FBXL7: variants seen among roughly 807,000 people sequenced by gnomAD.
FBXL7 encodes the protein F-box/LRR-repeat protein 7.
A neutral mutation model predicts 38.3 loss-of-function variants in FBXL7; 12 were observed. That is an observed-to-expected ratio of 0.31 (90% confidence interval 0.20 to 0.51). The LOEUF (loss-of-function observed/expected upper bound fraction) is 0.51. Ranked by LOEUF, FBXL7 falls within the 20% of genes least tolerant of loss-of-function variation. The pLI, the probability that FBXL7 is intolerant of heterozygous loss-of-function variation, is 0.98. For missense variants in FBXL7, 567 were observed against 676.4 expected (o/e 0.84, Z 1.79); for synonymous variants, 297 against 300.9 (o/e 0.99, Z 0.13).
At chr5:15,776,601 T>C (rs1168893447) in intron 2 of FBXL7, among the ~76,000 whole-genome samples, 1 of 152,102 alleles carries the variant, frequency 6.6e-6, no homozygotes, top group Non-Finnish European at 1.5e-5. Context: ...AAAAGGATAA[T>C]TGTGTCTGGG....
In FBXL7 at chr5:15,571,089, CT is replaced by C. The variant is rs1435050109; in HGVS notation, c.38-44891del. On this transcript the variant is annotated intron_variant, in intron 1 of 3. Coordinates refer to ENST00000504595, the MANE Select transcript of FBXL7 (RefSeq NM_012304.5). ...CCTGGGCAACAGAGCAAGATTCTGT[CT>C]TTAAAAAAAAAAAAAAAAAAGAAAA... Among the ~76,000 whole-genome samples, 26 of 102,096 alleles carry C rather than the reference CT, an allele frequency of 2.5e-4. 1 individual carries two copies. In the South Asian group the frequency reaches 7.0e-3, roughly 28 times the overall value. The allele number at this position is 102,096 out of a possible 152,430, so 67.0% of individuals were successfully genotyped here. A position where few individuals can be genotyped will look rare whatever the true frequency, so the allele number is the denominator to read the frequency against.
chr5:15,749,222 C>A (rs1476462236), intron 2 of FBXL7, among the ~76,000 whole-genome samples: 4 of 120,558 alleles, frequency 3.3e-5, no homozygotes, highest in Non-Finnish European at 6.7e-5. Context: ...TCCAGCCTGG[C>A]CAACAGAGTG....
At chr5:15,789,655 C>T (rs1737223165) in intron 2 of FBXL7, among the ~76,000 whole-genome samples, 2 of 152,248 alleles carry the variant, frequency 1.3e-5, no homozygotes, top group Admixed American at 6.5e-5. Flanking sequence ...TCCTGCAAGG[C>T]TCTCCAGTTC....
In FBXL7 at chr5:15,882,112, G is replaced by A. The variant is rs368956109; in HGVS notation, c.128-45778G>A. On this transcript the variant is annotated intron_variant, in intron 2 of 3. Transcript: ENST00000504595. ...TCGTGACGACAGCACCAAGGGGAAT[G>A]GTGCTAAACCATTCATGAGAAATCT... is the stretch of plus-strand genomic sequence containing the variant. Among the ~76,000 whole-genome samples, 41 of 152,070 alleles carry A rather than the reference G, an allele frequency of 2.7e-4. 1 individual carries two copies. The highest frequency in any genetic ancestry group is 2.5e-3 in the East Asian group (13 of 5,190).
chr5:15,923,961 T>A (rs1230569983), intron 2 of FBXL7, among the ~76,000 whole-genome samples: 1 of 152,032 alleles, frequency 6.6e-6, no homozygotes, highest in African/African-American at 2.4e-5. Flanking sequence ...AGGAGAGGGA[T>A]TTCTGTGCCC....
intron 2 of FBXL7, among the ~76,000 whole-genome samples, chr5:15,660,446 T>A (rs1742025456): frequency 6.6e-6 from 1 of 152,202 alleles, no homozygotes; most frequent in South Asian, 2.1e-4. Context: ...AACCTTCACC[T>A]CCTAGGTTCA....
At position 15,552,016 on chromosome 5, in the gene FBXL7, T is replaced by C. The variant is rs560751832; in HGVS notation, c.37+51303T>C. ...CCCGTTTTCCAAAGGGAAGAATGATTACTACTTACATTTGTTGAAGGTCTT... is the reference window on the plus strand; with the variant it reads ...CCCGTTTTCCAAAGGGAAGAATGATCACTACTTACATTTGTTGAAGGTCTT... On this transcript the variant is annotated intron_variant, in intron 1 of 3. Coordinates refer to ENST00000504595, the MANE Select transcript of FBXL7 (RefSeq NM_012304.5). 2.6e-5 allele frequency among the ~76,000 whole-genome samples: 4 copies of C among 152,350 alleles called. No homozygotes were observed. The East Asian group carries it at 7.7e-4, about 29-fold the overall frequency.
At chr5:15,893,131 AG>A (rs1415653187) in intron 2 of FBXL7, among the ~76,000 whole-genome samples, 1 of 151,524 alleles carries the variant, frequency 6.6e-6, no homozygotes, top group Non-Finnish European at 1.5e-5. Context: ...AAAAAAAAAA[AG>A]AAATCAAGGC....
intron 2 of FBXL7, among the ~76,000 whole-genome samples, chr5:15,881,172 C>G (rs1740436878): frequency 6.6e-6 from 1 of 152,098 alleles, no homozygotes; most frequent in African/African-American, 2.4e-5. Flanking sequence ...TTTTATCCCT[C>G]ACCACCCCCT....
At chr5:15,610,124 C>A (rs1740179960) in intron 1 of FBXL7, among the ~76,000 whole-genome samples, 1 of 152,198 alleles carries the variant, frequency 6.6e-6, no homozygotes. Flanking sequence ...GAAACCACCC[C>A]CATGATTCGG....
intron 2 of FBXL7, among the ~76,000 whole-genome samples, chr5:15,742,639 C>T (rs1350095760): frequency 1.3e-5 from 2 of 152,118 alleles, no homozygotes; most frequent in Non-Finnish European, 2.9e-5. Context: ...TGGCTTCTTC[C>T]CTGGTATTTG....
chr5:15,527,642 A>T (rs1737290554), intron 1 of FBXL7, among the ~76,000 whole-genome samples: 2 of 152,220 alleles, frequency 1.3e-5, no homozygotes, highest in South Asian at 4.1e-4. Flanking sequence ...CTGTAATCTC[A>T]CTACCCAGTA....
intron 1 of FBXL7, 53 bp from the exon 2 acceptor site, chr5:15,615,930 G>T: frequency 8.0e-7 from 1 of 1,250,470 alleles, no homozygotes; most frequent in East Asian, 2.4e-5. Context: ...GGAAGGCATG[G>T]TCCAGGTCTG....
chr5:15,816,292 A>G (rs550021609), intron 2 of FBXL7, among the ~76,000 whole-genome samples: 7 of 152,056 alleles, frequency 4.6e-5, no homozygotes, highest in Admixed American at 2.6e-4. Context: ...TATATGTGCC[A>G]TGGAGTACTA....
chr5:15,618,967 C>G (rs1171836863), intron 2 of FBXL7, among the ~76,000 whole-genome samples: 2 of 152,194 alleles, frequency 1.3e-5, no homozygotes, highest in African/African-American at 2.4e-5. Context: ...TTGGAAGGAA[C>G]TCAAGCAGGC....
intron 1 of FBXL7, among the ~76,000 whole-genome samples, chr5:15,552,765 T>C (rs2126424457): frequency 6.6e-6 from 1 of 152,258 alleles, no homozygotes; most frequent in African/African-American, 2.4e-5. Flanking sequence ...TCACCGATCT[T>C]AGGATAAGTA....
intron 2 of FBXL7, among the ~76,000 whole-genome samples, chr5:15,701,366 G>T (rs1040490641): frequency 1.3e-5 from 2 of 152,202 alleles, no homozygotes; most frequent in African/African-American, 4.8e-5. Context: ...GATTTAAGCA[G>T]AGAGTAGCAT....
chr5:15,641,827 A>T (rs1417950484), intron 2 of FBXL7, among the ~76,000 whole-genome samples: 2 of 152,094 alleles, frequency 1.3e-5, no homozygotes, highest in Non-Finnish European at 2.9e-5. Context: ...ATCAGCTTGG[A>T]TGGATCTCCT....
At chr5:15,517,070 A>G (rs2126366800) in intron 1 of FBXL7, among the ~76,000 whole-genome samples, 1 of 151,934 alleles carries the variant, frequency 6.6e-6, no homozygotes, top group South Asian at 2.1e-4. Context: ...TCTGTCGCCC[A>G]GGCTGGAGTG....
Sources: gnomAD v4.1 joint callset for allele counts (sites outside exome capture counted in the v4.1 genomes callset) on GRCh38, gnomAD v4.1.1 for gene constraint, MANE v1.5 for transcripts, NCBI Gene and HGNC (gene_info 2026-07-23, HGNC 2026-07-21) for gene names.